The following ATP8A1 variants were observed in gnomAD, a reference collection of about 807,000 sequenced individuals.
ATP8A1 encodes phospholipid-transporting ATPase IA.
ATP8A1 carries 90 observed loss-of-function variants against 177.7 expected under a neutral mutation model. That is an observed-to-expected ratio of 0.51 (90% CI 0.43 to 0.60). ATP8A1 has a LOEUF of 0.60. ATP8A1 is among the 20% of genes least tolerant of loss of function. ATP8A1 has a pLI of 0.00. For synonymous variants in ATP8A1, 493 were observed against 485.9 expected (o/e 1.01, Z -0.19); for missense variants, 1,072 against 1,392.8 (o/e 0.77, Z 3.67).
At chr4:42,482,645 A>G (rs1296456128) in intron 25 of ATP8A1, among the ~76,000 whole-genome samples, 3 of 152,204 alleles carry the variant, frequency 2.0e-5, no homozygotes, top group African/African-American at 7.2e-5. Flanking sequence ...AACTGTGTCA[A>G]TGAGGCAAAC....
intron 7 of ATP8A1, among the ~76,000 whole-genome samples, chr4:42,589,096 G>T (rs1052242568): frequency 6.6e-6 from 1 of 152,126 alleles, no homozygotes; most frequent in Non-Finnish European, 1.5e-5. Flanking sequence ...TGGCCTAAGG[G>T]GTCCATGTTC....
At chr4:42,471,845 C>T in intron 25 of ATP8A1, 1 of 577,896 alleles carries the variant, frequency 1.7e-6, no homozygotes, top group South Asian at 1.5e-5. Flanking sequence ...TGAAGCCCAA[C>T]AGCGAGACGC....
At position 42,412,098 on chromosome 4, in the gene ATP8A1, C is replaced by T. The variant is rs1712682292; in HGVS notation, c.*818G>A. The stretch of plus-strand genomic sequence containing the variant: ...TGATGATGAAACTTCATCAGAAATA[C>T]CTGAAACATACATAGTTTGAAAAAT... On this transcript the variant is annotated 3_prime_UTR_variant, in exon 37 of 37. Coordinates refer to ENST00000381668, the MANE Select transcript of ATP8A1 (RefSeq NM_006095.2). 6.6e-6 allele frequency: 1 copy of T among 152,228 alleles called. No individual in the cohort carries two copies. Among genetic ancestry groups the T allele is most frequent in the South Asian group, 2.1e-4 (1 of 4,820 alleles). 9.4% of individuals were successfully genotyped at this position (152,228 alleles called of 1,614,324 possible). A position where few individuals can be genotyped will look rare whatever the true frequency, so the allele number is the denominator to read the frequency against.
intron 25 of ATP8A1, among the ~76,000 whole-genome samples, chr4:42,475,347 A>C (rs1720929784): frequency 1.3e-5 from 2 of 152,086 alleles, no homozygotes; most frequent in African/African-American, 4.8e-5. Context: ...TCAAGGTCTT[A>C]CTTTGTTGCT....
Position 42,423,757 on chromosome 4 carries a change from T to C in ATP8A1, c.3124-52A>G, listed in dbSNP as rs367779001. 2.4e-4 allele frequency: 292 copies of C among 1,205,300 alleles called. No individual in the cohort carries two copies. The African/African-American group carries it at 4.2e-3, about 17-fold the overall frequency. 74.7% of individuals were successfully genotyped at this position (1,205,300 alleles called of 1,614,324 possible). A position where few individuals can be genotyped will look rare whatever the true frequency, so the allele number is the denominator to read the frequency against. On this transcript the variant is annotated intron_variant, in intron 33 of 36. Coordinates refer to ENST00000381668, the MANE Select transcript of ATP8A1 (RefSeq NM_006095.2). ...ACTTTAAAACCAAAAAATACATGAT[T>C]TGTGTTTAGTTTTTATGTATTTTTA...
intron 4 of ATP8A1, among the ~76,000 whole-genome samples, chr4:42,622,155 C>T (rs1737530580): frequency 1.3e-5 from 2 of 151,116 alleles, no homozygotes; most frequent in Non-Finnish European, 2.9e-5. Context: ...GTGGGTGGAT[C>T]ACCTGAGGTC....
Position 42,419,860 on chromosome 4 carries a change from G to A in ATP8A1, c.3305+2947C>T, listed in dbSNP as rs553400537. Among the ~76,000 whole-genome samples, 5 of 152,226 alleles carry A rather than the reference G, an allele frequency of 3.3e-5. No homozygotes were observed. In the South Asian group the frequency reaches 6.2e-4, roughly 19 times the overall value. On this transcript the variant is annotated intron_variant, in intron 35 of 36. Coordinates refer to ENST00000381668, the MANE Select transcript of ATP8A1 (RefSeq NM_006095.2). ...CTACTAAAATTACAAAAAATTAGCC[G>A]GGTGTGATGGCGTGTGCCTGTAATC...
chr4:42,587,667 C>T (rs942697798), intron 8 of ATP8A1, among the ~76,000 whole-genome samples: 8 of 148,870 alleles, frequency 5.4e-5, no homozygotes, highest in East Asian at 2.0e-4. Context: ...AGTGCAGTGG[C>T]GCATTCTTGG....
At position 42,411,246 on chromosome 4, in the gene ATP8A1, G is replaced by A. The variant is rs1712567970; in HGVS notation, c.*1670C>T. ...GGAGAGGCATACTGGTAACTAAGGA[G>A]CTACAAATACAGACAAGGAAATGAC... On this transcript the variant is annotated 3_prime_UTR_variant, in exon 37 of 37. Transcript: ENST00000381668. 6.6e-6 allele frequency: 1 copy of A among 152,086 alleles called. No homozygotes were observed. The highest frequency in any genetic ancestry group is 2.4e-5 in the African/African-American group (1 of 41,412). 9.4% of individuals were successfully genotyped at this position (152,086 alleles called of 1,614,324 possible).
intron 31 of ATP8A1, among the ~76,000 whole-genome samples, chr4:42,446,080 C>CAAAAAAAAAAAAAAAAAA (rs11311245): frequency 1.6e-4 from 10 of 63,922 alleles, no homozygotes; most frequent in East Asian, 1.0e-3. Context: ...AACGCCCTCT[C>CAAAAAAAAAAAAAAAAAA]AAAAAAAAAA....
At chr4:42,580,578 T>C (rs1161883414) in intron 10 of ATP8A1, among the ~76,000 whole-genome samples, 3 of 152,184 alleles carry the variant, frequency 2.0e-5, no homozygotes, top group African/African-American at 2.4e-5. Context: ...AAAAAATCCA[T>C]AGAACAGAAA....
At chr4:42,592,075 C>T (rs999835737) in intron 6 of ATP8A1, among the ~76,000 whole-genome samples, 1 of 152,050 alleles carries the variant, frequency 6.6e-6, no homozygotes, top group Non-Finnish European at 1.5e-5. Flanking sequence ...CTAAGTAATG[C>T]TAAAACCCTT....
intron 4 of ATP8A1, among the ~76,000 whole-genome samples, chr4:42,620,834 G>C (rs768637093): frequency 6.6e-6 from 1 of 152,168 alleles, no homozygotes; most frequent in Non-Finnish European, 1.5e-5. Flanking sequence ...GCACTGGATA[G>C]GACGGAATTC....
rs974165282 is a variant in ATP8A1 at position 42,614,550 on chromosome 4, T to C, written c.409+1483A>G. Among the ~76,000 whole-genome samples, 3 of 152,220 alleles carry C rather than the reference T, an allele frequency of 2.0e-5. No homozygotes were observed. In the East Asian group the frequency reaches 5.8e-4, roughly 29 times the overall value. On this transcript the variant is annotated intron_variant, in intron 5 of 36. Coordinates refer to ENST00000381668, the MANE Select transcript of ATP8A1 (RefSeq NM_006095.2). ...TCTGTCCCAGGCTTCTAACAGTCCC[T>C]TACTCCTGTTCATTCTGCCTTCCAT... is the stretch of plus-strand genomic sequence containing the variant.
At chr4:42,548,395 G>A (rs769984724) in intron 19 of ATP8A1, among the ~76,000 whole-genome samples, 2 of 152,048 alleles carry the variant, frequency 1.3e-5, no homozygotes, top group Non-Finnish European at 2.9e-5. Context: ...ATTTCAAAAC[G>A]ATTTCTTTTT....
chr4:42,443,398 C>G, intron 33 of ATP8A1, among the ~76,000 whole-genome samples, 167 bp downstream of exon 33: 1 of 152,156 alleles, frequency 6.6e-6, no homozygotes, highest in East Asian at 1.9e-4. Context: ...AATATTCTCT[C>G]AAGATTAATC....
intron 20 of ATP8A1, among the ~76,000 whole-genome samples, chr4:42,526,194 A>G (rs544365388): frequency 5.9e-4 from 87 of 147,386 alleles, no homozygotes; most frequent in African/African-American, 2.1e-3. Context: ...GACGTTTAGA[A>G]TGAGAAAAAT....
chr4:42,471,922 G>T (rs1379580234), intron 25 of ATP8A1: 2 of 650,588 alleles, frequency 3.1e-6, no homozygotes, highest in Admixed American at 3.7e-5. Flanking sequence ...GGACCTCAAG[G>T]CTCAGCTCAG....
chr4:42,464,036 A>T (rs1719459608), intron 27 of ATP8A1, among the ~76,000 whole-genome samples: 1 of 152,064 alleles, frequency 6.6e-6, no homozygotes, highest in African/African-American at 2.4e-5. Flanking sequence ...TTTAAAAAAT[A>T]GCTTTTCTAC....
Sources: allele counts gnomAD v4.1 joint callset (sites outside exome capture counted in the v4.1 genomes callset), GRCh38; gene constraint gnomAD v4.1.1; transcripts MANE v1.5; gene names NCBI Gene and HGNC (gene_info 2026-07-23, HGNC 2026-07-21).